Variants in DLGAP1 observed in about 807,000 individuals in gnomAD.
The protein encoded by DLGAP1 is disks large-associated protein 1.
Under a neutral mutation model 90.8 loss-of-function variants are expected in DLGAP1, and 11 were observed. That is an observed-to-expected ratio of 0.12 (90% CI 0.08 to 0.20). The LOEUF is 0.20. Ranked by LOEUF, DLGAP1 falls within the 10% of genes least tolerant of loss-of-function variation. The pLI, the probability that DLGAP1 is intolerant of heterozygous loss-of-function variation, is 1.00. For missense variants in DLGAP1, 1,050 were observed against 1,333.8 expected (o/e 0.79, Z 3.31); for synonymous variants, 558 against 540.7 (o/e 1.03, Z -0.44).
intron 9 of DLGAP1, among the ~76,000 whole-genome samples, chr18:3,556,770 T>C (rs1174785507): frequency 1.3e-5 from 2 of 152,188 alleles, no homozygotes; most frequent in Non-Finnish European, 2.9e-5. Flanking sequence ...TGTGGATAAA[T>C]TCCAAGAAAC....
chr18:3,728,985 A>C, intron 7 of DLGAP1, 150 bp downstream of exon 7: 1 of 1,219,528 alleles, frequency 8.2e-7, no homozygotes, highest in Non-Finnish European at 1.1e-6. Flanking sequence ...GGATAGAGGC[A>C]GATAGGGAAG....
Position 4,260,962 on chromosome 18 carries a change from AC to A in DLGAP1, c.-266-109676del, listed in dbSNP as rs376866941. 2.6e-3 allele frequency among the ~76,000 whole-genome samples: 392 copies of A among 152,356 alleles called. 1 individual carries two copies. Among genetic ancestry groups the A allele is most frequent in the African/African-American group, 9.1e-3 (377 of 41,590 alleles). ...GCTATAGATGCAAATCAACAGCATA[AC>A]ACAGCTTACCAAAAAGTGAACACGA... On this transcript the variant is annotated intron_variant, in intron 1 of 12. Transcript: ENST00000315677.
At chr18:3,622,171 C>A (rs2058118523) in intron 7 of DLGAP1, among the ~76,000 whole-genome samples, 1 of 151,432 alleles carries the variant, frequency 6.6e-6, no homozygotes, top group East Asian at 1.9e-4. Flanking sequence ...GTGACGTGAT[C>A]TTGGCTCACT....
At chr18:4,222,669 A>T (rs73942720) in intron 1 of DLGAP1, among the ~76,000 whole-genome samples, 3,219 of 152,042 alleles carry the variant, frequency 0.021, 119 homozygotes, top group African/African-American at 0.072. Flanking sequence ...AATATAAATT[A>T]AAAAAAATGA....
At chr18:3,721,057 A>G (rs1486803647) in intron 7 of DLGAP1, among the ~76,000 whole-genome samples, 3 of 151,978 alleles carry the variant, frequency 2.0e-5, no homozygotes, top group African/African-American at 7.3e-5. Context: ...CTCTGCCTCC[A>G]GAAAAAAAAA....
chr18:4,439,204 T>C lies in DLGAP1; in HGVS notation c.-267+15802A>G, dbSNP rs549685619. ...CCCATCCTTCTTTCTCACTAGCCCATGAGTTCCCTGTCATGGGGATTTTGC... is the reference window on the plus strand; with the variant it reads ...CCCATCCTTCTTTCTCACTAGCCCACGAGTTCCCTGTCATGGGGATTTTGC... On this transcript the variant is annotated intron_variant, in intron 1 of 12. Coordinates refer to ENST00000315677, the MANE Select transcript of DLGAP1 (RefSeq NM_004746.4). 5.1e-4 allele frequency among the ~76,000 whole-genome samples: 78 copies of C among 152,312 alleles called. 1 individual carries two copies. Among genetic ancestry groups the C allele is most frequent in the African/African-American group, 1.8e-3 (73 of 41,572 alleles).
Position 4,038,629 on chromosome 18 carries a change from G to C in DLGAP1, c.-158-33428C>G, listed in dbSNP as rs1296917674. 2.0e-5 allele frequency among the ~76,000 whole-genome samples: 3 copies of C among 152,034 alleles called. No individual in the cohort carries two copies. The South Asian group carries it at 6.2e-4, about 32-fold the overall frequency. ...AAGGAAGGCAGTTAAGGATCTAGCC[G>C]GTCCACAAATATTGAAGGAATAATC... On this transcript the variant is annotated intron_variant, in intron 2 of 12. Coordinates refer to ENST00000315677, the MANE Select transcript of DLGAP1 (RefSeq NM_004746.4).
At chr18:4,269,555 C>T (rs566796821) in intron 1 of DLGAP1, among the ~76,000 whole-genome samples, 94 of 151,726 alleles carry the variant, frequency 6.2e-4, no homozygotes, top group East Asian at 1.4e-3. Context: ...GGGGTTTCAC[C>T]GTGTTAGCCA....
intron 10 of DLGAP1, among the ~76,000 whole-genome samples, chr18:3,524,826 C>T (rs374479169): frequency 7.9e-5 from 12 of 152,120 alleles, no homozygotes; most frequent in South Asian, 2.1e-4. Flanking sequence ...TGTGTCCTTG[C>T]GGCAAAAATT....
At chr18:3,858,943 C>G (rs1648052325) in intron 4 of DLGAP1, among the ~76,000 whole-genome samples, 1 of 152,132 alleles carries the variant, frequency 6.6e-6, no homozygotes, top group Admixed American at 6.5e-5. Flanking sequence ...AACAATAGAA[C>G]TTTCATGCTT....
intron 9 of DLGAP1, among the ~76,000 whole-genome samples, chr18:3,539,654 A>G (rs1754740907): frequency 6.6e-6 from 1 of 152,246 alleles, no homozygotes; most frequent in Non-Finnish European, 1.5e-5. Flanking sequence ...ATCAAAACAT[A>G]TATGGGTAAA....
intron 1 of DLGAP1, among the ~76,000 whole-genome samples, chr18:4,436,010 A>G (rs986982110): frequency 1.3e-5 from 2 of 152,226 alleles, no homozygotes; most frequent in African/African-American, 2.4e-5. Flanking sequence ...GATGAGAACT[A>G]TCAGCAAAGA....
chr18:4,276,419 C>T (rs1053555977), intron 1 of DLGAP1, among the ~76,000 whole-genome samples: 6 of 151,740 alleles, frequency 4.0e-5, no homozygotes, highest in African/African-American at 9.7e-5. Flanking sequence ...GCGGATCACT[C>T]GAGGTCAGGA....
intron 5 of DLGAP1, among the ~76,000 whole-genome samples, chr18:3,794,971 C>T (rs2065912916): frequency 6.6e-6 from 1 of 152,210 alleles, no homozygotes; most frequent in Non-Finnish European, 1.5e-5. Flanking sequence ...GAGTCAGCAT[C>T]CTGAAGAATA....
intron 1 of DLGAP1, among the ~76,000 whole-genome samples, chr18:4,282,131 G>A (rs754366625): frequency 1.3e-5 from 2 of 152,128 alleles, no homozygotes; most frequent in Non-Finnish European, 2.9e-5. Flanking sequence ...TTGGGAGGCC[G>A]AGGCGGGCGG....
Position 3,812,221 on chromosome 18 carries a change from T to C in DLGAP1, c.1172+1838A>G, listed in dbSNP as rs1175221615. Among the ~76,000 whole-genome samples, 3 of 152,200 alleles carry C rather than the reference T, an allele frequency of 2.0e-5. No homozygotes were observed. The East Asian group carries it at 5.8e-4, about 29-fold the overall frequency. On this transcript the variant is annotated intron_variant, in intron 5 of 12. Transcript: ENST00000315677. ...TATTTTAAGGTCCATAGAAGAATTT[T>C]TTTTTCAGAAGGGTCCTTGGCCTCC...
At chr18:3,570,158 C>T (rs1306193518) in intron 8 of DLGAP1, among the ~76,000 whole-genome samples, 2 of 151,962 alleles carry the variant, frequency 1.3e-5, no homozygotes, top group African/African-American at 2.4e-5. Context: ...CACACAATGA[C>T]GAAATCACCT....
chr18:4,020,754 C>T (rs981568667), intron 2 of DLGAP1, among the ~76,000 whole-genome samples: 2 of 152,128 alleles, frequency 1.3e-5, no homozygotes, highest in Non-Finnish European at 2.9e-5. Context: ...GGGGACCAGT[C>T]GGCCTTTGTA....
chr18:4,300,344 G>T (rs1310880949), intron 1 of DLGAP1, among the ~76,000 whole-genome samples: 1 of 152,066 alleles, frequency 6.6e-6, no homozygotes, highest in Non-Finnish European at 1.5e-5. Flanking sequence ...TTTATCTGTA[G>T]ATCGTAAAAT....
Sources: gnomAD v4.1 joint callset for allele counts (sites outside exome capture counted in the v4.1 genomes callset) on GRCh38, gnomAD v4.1.1 for gene constraint, MANE v1.5 for transcripts, NCBI Gene and HGNC (gene_info 2026-07-23, HGNC 2026-07-21) for gene names.